Variants in GRIK2 observed in about 807,000 individuals in gnomAD.
The protein encoded by GRIK2 is glutamate receptor ionotropic, kainate 2.
In GRIK2, 32 loss-of-function variants were observed where a neutral mutation model predicts 100.3. The ratio of observed to expected loss-of-function variants is 0.32; its 90% confidence interval spans 0.24 to 0.43. GRIK2 has a LOEUF of 0.43. Ranked by LOEUF, GRIK2 falls within the 20% of genes least tolerant of loss-of-function variation. The pLI, the probability that GRIK2 is intolerant of heterozygous loss-of-function variation, is 1.00. For synonymous variants in GRIK2, 417 were observed against 389.4 expected (o/e 1.07, Z -0.83); for missense variants, 843 against 1,114.9 (o/e 0.76, Z 3.47).
In GRIK2 at chr6:101,938,083, G is replaced by T. The variant is rs532683784; in HGVS notation, c.2085+9451G>T. Among the ~76,000 whole-genome samples the T allele has an allele frequency of 2.1e-3, 320 of 151,584 alleles. 4 individuals are homozygous for T. Among genetic ancestry groups the T allele is most frequent in the South Asian group, 0.017 (81 of 4,806 alleles). ...CTAAAAACAGTAATATCACTTTGTT[G>T]TTTGTTATTAAGAGCTGATTGAAGA... On this transcript the variant is annotated intron_variant, in intron 14 of 16. Coordinates refer to ENST00000369134, the MANE Select transcript of GRIK2 (RefSeq NM_021956.5).
chr6:101,623,730 A>G (rs560824043), intron 3 of GRIK2, among the ~76,000 whole-genome samples: 43 of 152,240 alleles, frequency 2.8e-4, no homozygotes, highest in African/African-American at 9.4e-4. Flanking sequence ...TTTGTTACCC[A>G]ATAAAAACTC....
intron 9 of GRIK2, among the ~76,000 whole-genome samples, chr6:101,810,493 C>T (rs745427898): frequency 7.2e-5 from 11 of 152,120 alleles, no homozygotes; most frequent in South Asian, 6.2e-4. Flanking sequence ...ACGCTGATTA[C>T]GAAAGCGTTC....
chr6:101,596,113 G>A (rs1199335018), intron 2 of GRIK2, among the ~76,000 whole-genome samples: 1 of 150,848 alleles, frequency 6.6e-6, no homozygotes, highest in African/African-American at 2.4e-5. Context: ...CTGATTTCAG[G>A]CATTCATATT....
At chr6:101,918,677 C>G (rs2128468240) in intron 12 of GRIK2, among the ~76,000 whole-genome samples, 2 of 151,832 alleles carry the variant, frequency 1.3e-5, no homozygotes, top group South Asian at 4.1e-4. Context: ...TCTGTCACCA[C>G]ATACAAAGTA....
intron 11 of GRIK2, among the ~76,000 whole-genome samples, chr6:101,870,191 A>G (rs1336871142): frequency 6.6e-6 from 1 of 151,862 alleles, no homozygotes; most frequent in Non-Finnish European, 1.5e-5. Flanking sequence ...ATTTAGATTT[A>G]AAATATTCTC....
chr6:101,947,017 G>A (rs1791322561), intron 14 of GRIK2, among the ~76,000 whole-genome samples: 1 of 151,968 alleles, frequency 6.6e-6, no homozygotes, highest in South Asian at 2.1e-4. Flanking sequence ...TGTAATATTA[G>A]CAAGAAACTT....
intron 2 of GRIK2, among the ~76,000 whole-genome samples, chr6:101,578,620 G>GATA (rs1562238613): frequency 2.6e-5 from 4 of 152,000 alleles, no homozygotes; most frequent in African/African-American, 9.7e-5. Context: ...AGCCAGGAGG[G>GATA]GATAGAACAG....
At chr6:101,621,046 A>T (rs925769341) in intron 2 of GRIK2, among the ~76,000 whole-genome samples, 2 of 152,206 alleles carry the variant, frequency 1.3e-5, no homozygotes, top group Non-Finnish European at 2.9e-5. Flanking sequence ...TTGGAGAGGC[A>T]TCCTTCATAA....
chr6:101,970,202 T>G (rs1426820994), intron 14 of GRIK2, among the ~76,000 whole-genome samples: 6 of 125,262 alleles, frequency 4.8e-5, no homozygotes, highest in Non-Finnish European at 8.3e-5. Flanking sequence ...AGGGCCAGAG[T>G]AATGATTTTT....
intron 10 of GRIK2, among the ~76,000 whole-genome samples, chr6:101,823,881 T>C (rs59380113): frequency 6.6e-6 from 1 of 150,944 alleles, no homozygotes; most frequent in East Asian, 2.0e-4. Context: ...TTTTTGTTTT[T>C]TTTTTTGATG....
intron 2 of GRIK2, among the ~76,000 whole-genome samples, chr6:101,581,969 C>G (rs1011465735): frequency 6.6e-6 from 1 of 151,956 alleles, no homozygotes; most frequent in Non-Finnish European, 1.5e-5. Flanking sequence ...AAGGGTAGGA[C>G]CAGGTGGAGA....
At chr6:101,561,523 A>C (rs9498618) in intron 2 of GRIK2, among the ~76,000 whole-genome samples, 13,457 of 152,260 alleles carry the variant, frequency 0.088, 728 homozygotes, top group African/African-American at 0.14. Context: ...AATAGCTAGA[A>C]AAGAAGAATT....
At chr6:101,421,301 G>A (rs569267659) in intron 2 of GRIK2, among the ~76,000 whole-genome samples, 2 of 152,340 alleles carry the variant, frequency 1.3e-5, no homozygotes, top group African/African-American at 2.4e-5. Flanking sequence ...TCTCCTGTAA[G>A]CTACGCAGCA....
In GRIK2 at chr6:101,399,027, C is replaced by T. The variant is rs1392309716; in HGVS notation, c.-251C>T. ...TTGTGGGTGTGCGTGCTGGATTTCTCCCGGATGCTCTCCGACTAACATGGA... is the reference window on the plus strand; with the variant it reads ...TTGTGGGTGTGCGTGCTGGATTTCTTCCGGATGCTCTCCGACTAACATGGA... On this transcript the variant is annotated 5_prime_UTR_variant, in exon 2 of 17. Coordinates refer to ENST00000369134, the MANE Select transcript of GRIK2 (RefSeq NM_021956.5). 2.2e-6 allele frequency: 1 copy of T among 446,912 alleles called. No homozygotes were observed. The highest frequency in any genetic ancestry group is 3.9e-6 in the Non-Finnish European group (1 of 253,264). The allele number at this position is 446,912 out of a possible 1,614,324, so 27.7% of individuals were successfully genotyped here.
At chr6:101,941,620 T>C (rs59837416) in intron 14 of GRIK2, among the ~76,000 whole-genome samples, 7,331 of 152,216 alleles carry the variant, frequency 0.048, 361 homozygotes, top group East Asian at 0.24. Context: ...TGTTATACAA[T>C]GGCTTGGATT....
intron 14 of GRIK2, among the ~76,000 whole-genome samples, chr6:101,978,087 C>T (rs1473360569): frequency 1.3e-5 from 2 of 151,762 alleles, no homozygotes; most frequent in African/African-American, 4.8e-5. Flanking sequence ...TTCTGAGCCC[C>T]ACATATTTCT....
chr6:101,923,519 T>C (rs943013890), intron 12 of GRIK2, among the ~76,000 whole-genome samples: 8 of 152,178 alleles, frequency 5.3e-5, no homozygotes, highest in Non-Finnish European at 1.0e-4. Context: ...GCCTTAAAAA[T>C]TAGATTTGAT....
At chr6:101,960,763 C>G (rs1349113934) in intron 14 of GRIK2, among the ~76,000 whole-genome samples, 5 of 152,136 alleles carry the variant, frequency 3.3e-5, no homozygotes, top group Admixed American at 6.5e-5. Flanking sequence ...TTCCGCAGCA[C>G]AATGCTCTTC....
At chr6:101,570,933 G>T (rs569767225) in intron 2 of GRIK2, among the ~76,000 whole-genome samples, 2 of 152,254 alleles carry the variant, frequency 1.3e-5, no homozygotes, top group African/African-American at 2.4e-5. Flanking sequence ...GTCTACTGTG[G>T]TCTGTTGTGA....
Sources: allele counts gnomAD v4.1 joint callset (sites outside exome capture counted in the v4.1 genomes callset), GRCh38; gene constraint gnomAD v4.1.1; transcripts MANE v1.5; gene names NCBI Gene and HGNC (gene_info 2026-07-23, HGNC 2026-07-21).